Variants in BTBD9 observed in about 807,000 individuals in gnomAD.
BTBD9 encodes BTB/POZ domain-containing protein 9.
In BTBD9, 49 loss-of-function variants were observed where a neutral mutation model predicts 64.3. That is an observed-to-expected ratio of 0.76 (90% confidence interval 0.61 to 0.97). The LOEUF (loss-of-function observed/expected upper bound fraction) is 0.97, where lower values mean the gene tolerates loss of function less well. Ranked by LOEUF, BTBD9 falls within the 50% of genes least tolerant of loss-of-function variation. The probability of loss-of-function intolerance (pLI) is 0.00; values close to 1 mark genes in which losing one functional copy is unlikely to be tolerated. For missense variants in BTBD9, 598 were observed against 762.1 expected, an observed-to-expected ratio of 0.78 and a Z score of 2.53; for synonymous variants, 260 against 274.7, an observed-to-expected ratio of 0.95 and a Z score of 0.53.
intron 8 of BTBD9, among the ~76,000 whole-genome samples, chr6:38,266,483 GA>G (rs1764975282): frequency 6.6e-6 from 1 of 152,070 alleles, no homozygotes. Context: ...TGAGGCAGGA[GA>G]ATCACTTGGA....
chr6:38,532,139 A>G (rs1235751211), intron 6 of BTBD9, among the ~76,000 whole-genome samples: 1 of 152,208 alleles, frequency 6.6e-6, no homozygotes, highest in Non-Finnish European at 1.5e-5. Flanking sequence ...GGAGAGGGAC[A>G]GCAGCAGTTG....
chr6:38,599,784 C>T (rs1358547543), intron 1 of BTBD9, among the ~76,000 whole-genome samples: 1 of 152,238 alleles, frequency 6.6e-6, no homozygotes, highest in African/African-American at 2.4e-5. Flanking sequence ...AGTTCCGAAT[C>T]TGCCTGCTTT....
At chr6:38,279,793 C>G (rs1044185465) in intron 8 of BTBD9, among the ~76,000 whole-genome samples, 10 of 152,276 alleles carry the variant, frequency 6.6e-5, no homozygotes, top group African/African-American at 2.2e-4. Flanking sequence ...TAGATAATTA[C>G]TAAACACACA....
chr6:38,270,344 C>A (rs1765157831), intron 8 of BTBD9, among the ~76,000 whole-genome samples: 1 of 151,970 alleles, frequency 6.6e-6, no homozygotes, highest in African/African-American at 2.4e-5. Context: ...CCACCCCCCA[C>A]TACCCCTCTG....
At chr6:38,231,943 G>A (rs1358349805) in intron 9 of BTBD9, among the ~76,000 whole-genome samples, 1 of 152,196 alleles carries the variant, frequency 6.6e-6, no homozygotes, top group Non-Finnish European at 1.5e-5. Flanking sequence ...AAATAAGGAA[G>A]GGGTGGGCAG....
intron 9 of BTBD9, among the ~76,000 whole-genome samples, chr6:38,211,472 G>C (rs1762833222): frequency 6.7e-6 from 1 of 148,756 alleles, no homozygotes; most frequent in Non-Finnish European, 1.5e-5. Context: ...GCTATGTGCA[G>C]TGGCTCACAC....
intron 9 of BTBD9, among the ~76,000 whole-genome samples, chr6:38,221,810 G>A (rs1005872239): frequency 1.4e-4 from 22 of 152,128 alleles, no homozygotes; most frequent in African/African-American, 5.1e-4. Flanking sequence ...GGCCAATATG[G>A]TGAAACCCCA....
rs1453986364 is a variant in BTBD9, at chr6:38,374,291, ATATATGTATATATATG to A, written c.1155-29214_1155-29199del. On this transcript the variant is annotated intron_variant, in intron 6 of 10. Transcript: ENST00000481247. ...GTCGAAAAAAAAAAAAAGTATATATATATATGTATATATATGTATATATATATATATATATGTATAT... is the reference window on the plus strand; with the variant it reads ...GTCGAAAAAAAAAAAAAGTATATATATATATATATATATATATATGTATAT... Among the ~76,000 whole-genome samples, 27 of 70,606 alleles carry A rather than the reference ATATATGTATATATATG, an allele frequency of 3.8e-4. 3 individuals carry two copies. The highest frequency in any genetic ancestry group is 1.3e-3 in the African/African-American group (12 of 9,430). 46.3% of individuals were successfully genotyped at this position (70,606 alleles called of 152,430 possible).
In BTBD9 at chr6:38,303,874, TAC is replaced by T. The variant is rs1554137166; in HGVS notation, c.1265-15415_1265-15414del. ...ATATATATATATATATATATATATATACACACACACACATGTGTATATATATA... is the reference window on the plus strand; with the variant it reads ...ATATATATATATATATATATATATATACACACACACATGTGTATATATATA... On this transcript the variant is annotated intron_variant, in intron 7 of 10. Coordinates refer to ENST00000481247, the MANE Select transcript of BTBD9 (RefSeq NM_001099272.2). Among the ~76,000 whole-genome samples the T allele has an allele frequency of 3.0e-4, 25 of 82,630 alleles. 1 individual carries two copies. The South Asian group carries it at 4.3e-3, about 14-fold the overall frequency. 54.2% of individuals were successfully genotyped at this position (82,630 alleles called of 152,430 possible).
chr6:38,563,790 T>C (rs1331769024), intron 6 of BTBD9, among the ~76,000 whole-genome samples: 1 of 148,446 alleles, frequency 6.7e-6, no homozygotes, highest in Non-Finnish European at 1.5e-5. Context: ...TTTTTTTTTT[T>C]TTTTTTTTTG....
chr6:38,511,631 C>T (rs1233531402), intron 6 of BTBD9, among the ~76,000 whole-genome samples: 6 of 151,994 alleles, frequency 3.9e-5, no homozygotes, highest in Admixed American at 1.3e-4. Flanking sequence ...CATGAGCCAC[C>T]GCTCCTGGCT....
chr6:38,493,703 A>C (rs1193057982), intron 6 of BTBD9, among the ~76,000 whole-genome samples: 1 of 152,216 alleles, frequency 6.6e-6, no homozygotes, highest in Non-Finnish European at 1.5e-5. Flanking sequence ...TTAACTACAA[A>C]AACATCAGGG....
chr6:38,603,994 A>G (rs928326444), intron 1 of BTBD9, among the ~76,000 whole-genome samples: 1 of 152,204 alleles, frequency 6.6e-6, no homozygotes, highest in Non-Finnish European at 1.5e-5. Context: ...TCTACTTCTC[A>G]CAGAAAGGAT....
intron 6 of BTBD9, among the ~76,000 whole-genome samples, chr6:38,416,121 T>C (rs139403087): frequency 1.3e-5 from 2 of 152,220 alleles, no homozygotes; most frequent in Non-Finnish European, 2.9e-5. Flanking sequence ...AGAAAAACAC[T>C]TCTGATTAGC....
At chr6:38,268,861 C>A (rs1245598003) in intron 8 of BTBD9, among the ~76,000 whole-genome samples, 1 of 152,226 alleles carries the variant, frequency 6.6e-6, no homozygotes, top group Non-Finnish European at 1.5e-5. Context: ...CCTTGGCGAA[C>A]TTACTACTGC....
chr6:38,626,305 A>T (rs1778166418), intron 1 of BTBD9, among the ~76,000 whole-genome samples: 1 of 152,342 alleles, frequency 6.6e-6, no homozygotes, highest in East Asian at 1.9e-4. Flanking sequence ...TTTGTGTTAC[A>T]AACAATCCAA....
intron 10 of BTBD9, among the ~76,000 whole-genome samples, chr6:38,176,233 C>A (rs773040712): frequency 2.6e-5 from 4 of 152,172 alleles, no homozygotes; most frequent in Non-Finnish European, 5.9e-5. Flanking sequence ...GGCCTTCTAC[C>A]GTAGAATCAA....
chr6:38,449,764 AG>A (rs1454149375), intron 6 of BTBD9, among the ~76,000 whole-genome samples: 4 of 152,204 alleles, frequency 2.6e-5, no homozygotes, highest in African/African-American at 9.6e-5. Flanking sequence ...GAAAAAAAAA[AG>A]ATAAAAATCA....
chr6:38,360,948 T>C (rs144168784), intron 6 of BTBD9, among the ~76,000 whole-genome samples: 15 of 152,146 alleles, frequency 9.9e-5, no homozygotes, highest in African/African-American at 2.7e-4. Context: ...GAGATGAAGG[T>C]TGCTGCTTCC....
Sources: allele counts gnomAD v4.1 joint callset (sites outside exome capture counted in the v4.1 genomes callset), GRCh38; gene constraint gnomAD v4.1.1; transcripts MANE v1.5; gene names NCBI Gene and HGNC (gene_info 2026-07-23, HGNC 2026-07-21).